Variants in RCAN2 observed in about 807,000 individuals in gnomAD.
RCAN2 encodes regulator of calcineurin 2.
A neutral mutation model predicts 23.6 loss-of-function variants in RCAN2; 9 were observed. That is an observed-to-expected ratio of 0.38 (90% CI 0.23 to 0.67). The LOEUF is 0.67. Among genes scored for constraint, RCAN2 ranks in the 30% least tolerant of loss-of-function variants. RCAN2 has a pLI of 0.51. For synonymous variants in RCAN2, 109 were observed against 115.7 expected (o/e 0.94, Z 0.37); for missense variants, 273 against 302.3 (o/e 0.90, Z 0.72).
At chr6:46,356,683 GA>G (rs1259014603) in intron 2 of RCAN2, among the ~76,000 whole-genome samples, 1 of 152,160 alleles carries the variant, frequency 6.6e-6, no homozygotes, top group African/African-American at 2.4e-5. Flanking sequence ...TTTCATTGAT[GA>G]GAAATGGGAG....
chr6:46,458,465 A>G (rs1582218868), intron 1 of RCAN2, among the ~76,000 whole-genome samples: 2 of 152,320 alleles, frequency 1.3e-5, no homozygotes, highest in South Asian at 4.1e-4. Context: ...TATCTCTAAA[A>G]TCAAATCATC....
chr6:46,462,211 A>G (rs1415265626), intron 1 of RCAN2, among the ~76,000 whole-genome samples: 1 of 152,218 alleles, frequency 6.6e-6, no homozygotes, highest in Non-Finnish European at 1.5e-5. Flanking sequence ...GTTTGGGTGA[A>G]GACCCTATTA....
intron 2 of RCAN2, among the ~76,000 whole-genome samples, chr6:46,335,598 G>A (rs1271259638): frequency 6.6e-6 from 1 of 152,168 alleles, no homozygotes; most frequent in Non-Finnish European, 1.5e-5. Flanking sequence ...GAGGGGGCAG[G>A]CATCATCCTA....
At chr6:46,429,754 A>G (rs1207521856) in intron 2 of RCAN2, among the ~76,000 whole-genome samples, 1 of 152,184 alleles carries the variant, frequency 6.6e-6, no homozygotes, top group East Asian at 1.9e-4. Context: ...ACATAAAGAA[A>G]TGGATCATTC....
intron 2 of RCAN2, among the ~76,000 whole-genome samples, chr6:46,285,501 G>A (rs1461348095): frequency 2.6e-5 from 4 of 152,210 alleles, no homozygotes; most frequent in African/African-American, 9.6e-5. Context: ...GTTCTGGGAT[G>A]AGGCCCAGAT....
intron 2 of RCAN2, among the ~76,000 whole-genome samples, chr6:46,373,750 A>G (rs1765389314): frequency 1.3e-5 from 2 of 152,132 alleles, no homozygotes; most frequent in Admixed American, 1.3e-4. Flanking sequence ...TTCAGGAAGA[A>G]CTTTTTGACT....
intron 2 of RCAN2, among the ~76,000 whole-genome samples, chr6:46,344,791 A>T (rs1449817113): frequency 2.6e-5 from 4 of 152,114 alleles, no homozygotes; most frequent in Admixed American, 2.0e-4. Flanking sequence ...CAGAAAAGGA[A>T]CAACAAAGGA....
rs181266950 is a variant in RCAN2, at chr6:46,314,851, A to T, written c.226-65955T>A. On this transcript the variant is annotated intron_variant, in intron 2 of 4. Transcript: ENST00000371374. ...CTAGGCAGGCAGATCGCTTGAGCTC[A>T]GGAGTTCAAGACCAGCCTGGGCAAC... Among the ~76,000 whole-genome samples the T allele has an allele frequency of 2.2e-3, 333 of 152,228 alleles. 2 individuals carry two copies. Among genetic ancestry groups the T allele is most frequent in the Non-Finnish European group, 3.9e-3 (263 of 68,008 alleles).
At chr6:46,309,864 G>A (rs2150355898) in intron 2 of RCAN2, among the ~76,000 whole-genome samples, 1 of 152,168 alleles carries the variant, frequency 6.6e-6, no homozygotes, top group Middle Eastern at 3.4e-3. Flanking sequence ...CACTGTACAG[G>A]CCAAATAAAA....
intron 2 of RCAN2, among the ~76,000 whole-genome samples, chr6:46,388,668 A>G (rs1765837805): frequency 6.6e-6 from 1 of 152,214 alleles, no homozygotes; most frequent in Admixed American, 6.5e-5. Flanking sequence ...TGAAGCTGAA[A>G]GCCATCATCC....
chr6:46,403,158 G>T (rs1330504678), intron 2 of RCAN2, among the ~76,000 whole-genome samples: 1 of 151,928 alleles, frequency 6.6e-6, no homozygotes, highest in African/African-American at 2.4e-5. Flanking sequence ...GTAGAGACGG[G>T]GTTTCACCAT....
chr6:46,458,884 A>AACGC (rs1255993343), intron 1 of RCAN2, among the ~76,000 whole-genome samples: 1 of 112,994 alleles, frequency 8.9e-6, no homozygotes, highest in African/African-American at 2.9e-5. Flanking sequence ...TTTACAGGAA[A>AACGC]ACGCGCGCGC....
At chr6:46,440,718 A>G (rs982958568) in intron 2 of RCAN2, among the ~76,000 whole-genome samples, 3 of 152,164 alleles carry the variant, frequency 2.0e-5, no homozygotes, top group Non-Finnish European at 4.4e-5. Context: ...CCTAGAAGCC[A>G]GAGAAAAAGA....
At chr6:46,310,495 C>T (rs561444645) in intron 2 of RCAN2, among the ~76,000 whole-genome samples, 3 of 151,668 alleles carry the variant, frequency 2.0e-5, no homozygotes, top group Middle Eastern at 3.4e-3. Flanking sequence ...TGCAGTGTCC[C>T]GGCTTAACAC....
intron 2 of RCAN2, among the ~76,000 whole-genome samples, chr6:46,369,182 C>T (rs62402367): frequency 0.51 from 77,921 of 151,812 alleles, 20,433 homozygotes; most frequent in East Asian, 0.61. Flanking sequence ...CTCCACATCT[C>T]GTCCCACTGG....
intron 2 of RCAN2, among the ~76,000 whole-genome samples, chr6:46,454,260 T>A (rs1021177728): frequency 6.6e-6 from 1 of 152,186 alleles, no homozygotes; most frequent in African/African-American, 2.4e-5. Context: ...TTAAAATAAG[T>A]GATTTTATCA....
chr6:46,478,927 G>A (rs929455740), intron 1 of RCAN2, among the ~76,000 whole-genome samples: 5 of 152,132 alleles, frequency 3.3e-5, no homozygotes, highest in African/African-American at 9.7e-5. Flanking sequence ...AACAATTGGC[G>A]ATGTGCATAC....
chr6:46,300,634 CAT>C (rs1414529306), intron 2 of RCAN2, among the ~76,000 whole-genome samples: 1 of 151,892 alleles, frequency 6.6e-6, no homozygotes, highest in Non-Finnish European at 1.5e-5. Flanking sequence ...TCTTTGAAAT[CAT>C]ATGTTATGAC....
intron 2 of RCAN2, among the ~76,000 whole-genome samples, chr6:46,259,495 G>A (rs1296490368): frequency 6.6e-6 from 1 of 152,088 alleles, no homozygotes; most frequent in Non-Finnish European, 1.5e-5. Flanking sequence ...TTCTATCACT[G>A]TACTGTACAG....
Sources: allele counts gnomAD v4.1 joint callset (sites outside exome capture counted in the v4.1 genomes callset), GRCh38; gene constraint gnomAD v4.1.1; transcripts MANE v1.5; gene names NCBI Gene and HGNC (gene_info 2026-07-23, HGNC 2026-07-21).